ROBO2: variants seen among roughly 807,000 people sequenced by gnomAD.
ROBO2 encodes the protein roundabout guidance receptor 2, also known as roundabout homolog 2.
ROBO2 carries 53 observed loss-of-function variants against 160.8 expected under a neutral mutation model. The ratio of observed to expected loss-of-function variants is 0.33; its 90% CI spans 0.26 to 0.41. The LOEUF (loss-of-function observed/expected upper bound fraction) is 0.41. ROBO2 is among the 10% of genes least tolerant of loss of function. The pLI is 1.00. For missense variants in ROBO2, 1,577 were observed against 1,722.4 expected, an observed-to-expected ratio of 0.92 and a Z score of 1.49; for synonymous variants, 664 against 611.7, an observed-to-expected ratio of 1.09 and a Z score of -1.26.
At chr3:76,562,986 T>C (rs1257576837) in intron 2 of ROBO2, among the ~76,000 whole-genome samples, 1 of 152,074 alleles carries the variant, frequency 6.6e-6, no homozygotes, top group Non-Finnish European at 1.5e-5. Flanking sequence ...CATCTATCTG[T>C]TTACTTTTCT....
chr3:76,642,012 A>T (rs2090702476), intron 2 of ROBO2, among the ~76,000 whole-genome samples: 2 of 151,952 alleles, frequency 1.3e-5, no homozygotes, highest in Non-Finnish European at 2.9e-5. Context: ...GAGCCACTGC[A>T]CTAGCCTGGT....
intron 2 of ROBO2, among the ~76,000 whole-genome samples, chr3:76,935,830 G>A (rs2077663283): frequency 6.6e-6 from 1 of 152,150 alleles, no homozygotes; most frequent in Non-Finnish European, 1.5e-5. Context: ...GGGAGAAGGA[G>A]CTCTCTGGGG....
chr3:77,642,297 A>C (rs2095360969), intron 24 of ROBO2, among the ~76,000 whole-genome samples: 1 of 152,178 alleles, frequency 6.6e-6, no homozygotes, highest in South Asian at 2.1e-4. Flanking sequence ...GTACAGCTTC[A>C]GGAATTTCTA....
chr3:77,583,781 T>C (rs190471191), intron 16 of ROBO2, among the ~76,000 whole-genome samples: 81 of 152,280 alleles, frequency 5.3e-4, no homozygotes, highest in Non-Finnish European at 9.8e-4. Context: ...AATTTTGTGA[T>C]CTTTTGAAGC....
intron 2 of ROBO2, among the ~76,000 whole-genome samples, chr3:76,708,245 G>A (rs264558): frequency 0.37 from 55,959 of 151,916 alleles, 11,430 homozygotes; most frequent in Non-Finnish European, 0.47. Flanking sequence ...CTACATGATT[G>A]AGGAAACGCT....
intron 2 of ROBO2, among the ~76,000 whole-genome samples, chr3:76,626,829 A>G (rs555719224): frequency 6.6e-6 from 1 of 152,138 alleles, no homozygotes; most frequent in East Asian, 1.9e-4. Flanking sequence ...AGTAGCTGGG[A>G]CTACAGGCGC....
chr3:77,066,503 A>C (rs1452190019), intron 1 of ROBO2, among the ~76,000 whole-genome samples: 1 of 152,098 alleles, frequency 6.6e-6, no homozygotes, highest in Non-Finnish European at 1.5e-5. Flanking sequence ...TCAATTAGAA[A>C]AATTTTGTTA....
At chr3:76,784,951 A>G (rs1336567135) in intron 2 of ROBO2, among the ~76,000 whole-genome samples, 3 of 151,130 alleles carry the variant, frequency 2.0e-5, no homozygotes, top group Non-Finnish European at 3.0e-5. Context: ...ACCTTCTTCA[A>G]TGTGTCCACT....
chr3:77,158,596 A>AGAT (rs1186020067), intron 2 of ROBO2, among the ~76,000 whole-genome samples: 1 of 152,136 alleles, frequency 6.6e-6, no homozygotes, highest in Admixed American at 6.5e-5. Context: ...GCAACTCAAG[A>AGAT]GATGTTTTTC....
At chr3:77,407,083 C>T (rs1403360129) in intron 2 of ROBO2, among the ~76,000 whole-genome samples, 1 of 152,070 alleles carries the variant, frequency 6.6e-6, no homozygotes, top group Non-Finnish European at 1.5e-5. Context: ...GCCTTGGCCT[C>T]CCAAAGTGCT....
intron 2 of ROBO2, among the ~76,000 whole-genome samples, chr3:76,339,138 T>G (rs1375941000): frequency 6.6e-6 from 1 of 152,194 alleles, no homozygotes; most frequent in Non-Finnish European, 1.5e-5. Context: ...ATCTAAATAT[T>G]TCACTTCAGT....
intron 2 of ROBO2, among the ~76,000 whole-genome samples, chr3:77,201,308 C>T (rs112572722): frequency 4.3e-4 from 65 of 152,224 alleles, no homozygotes; most frequent in African/African-American, 1.5e-3. Flanking sequence ...CTGACCATTT[C>T]GCCACTAAGA....
intron 2 of ROBO2, among the ~76,000 whole-genome samples, chr3:77,173,726 T>G (rs1445340989): frequency 6.6e-6 from 1 of 152,146 alleles, no homozygotes; most frequent in Non-Finnish European, 1.5e-5. Context: ...GTTACATATC[T>G]TGTTCTCATG....
At chr3:77,428,635 C>T (rs1259692066) in intron 2 of ROBO2, among the ~76,000 whole-genome samples, 2 of 152,072 alleles carry the variant, frequency 1.3e-5, no homozygotes, top group African/African-American at 2.4e-5. Context: ...GGATTACAGG[C>T]GTGAGCCACC....
intron 2 of ROBO2, among the ~76,000 whole-genome samples, chr3:77,030,627 A>T (rs1409386358): frequency 6.6e-6 from 1 of 152,216 alleles, no homozygotes; most frequent in Admixed American, 6.5e-5. Flanking sequence ...CTCTTGAGGA[A>T]GGCTCTAGAG....
chr3:76,451,418 C>T (rs2077469050), intron 2 of ROBO2, among the ~76,000 whole-genome samples: 1 of 152,148 alleles, frequency 6.6e-6, no homozygotes, highest in African/African-American at 2.4e-5. Flanking sequence ...CCTAGAAAAT[C>T]TTATCATAGC....
chr3:77,175,500 T>G (rs1008692368), intron 2 of ROBO2, among the ~76,000 whole-genome samples: 3 of 152,056 alleles, frequency 2.0e-5, no homozygotes, highest in Non-Finnish European at 2.9e-5. Context: ...ATTTTGAACA[T>G]GAAGTGATAT....
intron 2 of ROBO2, among the ~76,000 whole-genome samples, chr3:77,163,074 G>T (rs549690556): frequency 6.6e-6 from 1 of 152,036 alleles, no homozygotes; most frequent in Non-Finnish European, 1.5e-5. Context: ...GACCTCAGGT[G>T]ATCCGCCTGC....
At chr3:75,974,865 A>T (rs675082) in intron 2 of ROBO2, among the ~76,000 whole-genome samples, 1 of 151,326 alleles carries the variant, frequency 6.6e-6, no homozygotes, top group East Asian at 2.0e-4. Flanking sequence ...ATAGGAAAAT[A>T]GTTTGTTGAT....
Sources: gnomAD v4.1 joint callset for allele counts (sites outside exome capture counted in the v4.1 genomes callset) on GRCh38, gnomAD v4.1.1 for gene constraint, MANE v1.5 for transcripts, NCBI Gene and HGNC (gene_info 2026-07-23, HGNC 2026-07-21) for gene names.